LRPPRC: variants seen among roughly 807,000 people sequenced by gnomAD.
LRPPRC encodes leucine rich pentatricopeptide repeat containing, also known as leucine-rich PPR motif-containing protein, mitochondrial.
In LRPPRC, 120 loss-of-function variants were observed where a neutral mutation model predicts 180.3. The ratio of observed to expected loss-of-function variants is 0.67; its 90% CI spans 0.57 to 0.77. The LOEUF (loss-of-function observed/expected upper bound fraction) is 0.77. LRPPRC is among the 30% of genes least tolerant of loss of function. The pLI, the probability that LRPPRC is intolerant of heterozygous loss-of-function variation, is 0.00. For synonymous variants in LRPPRC, 723 were observed against 600.0 expected, an observed-to-expected ratio of 1.21 and a Z score of -3.00; for missense variants, 2,012 against 1,657.2, an observed-to-expected ratio of 1.21 and a Z score of -3.72.
Position 43,995,862 on chromosome 2 carries a change from C to G in LRPPRC, c.86G>C (p.Gly29Ala). ...RLPLSLRLLP[G>A]GPGRLHAASY... ...GGCGGCATGCAGCCGGCCCGGGCCGCCAGGGAGGAGGCGCAGGGAGAGCGG... is the reference window on the plus strand; with the variant it reads ...GGCGGCATGCAGCCGGCCCGGGCCGGCAGGGAGGAGGCGCAGGGAGAGCGG... Residue 29 changes from glycine to alanine, a missense_variant, in exon 1 of 38, where the codon GGC (glycine) becomes GCC (alanine). Coordinates refer to ENST00000260665, the MANE Select transcript of LRPPRC (RefSeq NM_133259.4). 1 of 1,490,020 alleles carries G rather than the reference C, an allele frequency of 6.7e-7. No individual in the cohort carries two copies. Among genetic ancestry groups the G allele is most frequent in the Non-Finnish European group, 8.9e-7 (1 of 1,127,718 alleles). The allele number at this position is 1,490,020 out of a possible 1,614,324, so 92.3% of individuals were successfully genotyped here. A position where few individuals can be genotyped will look rare whatever the true frequency, so the allele number is the denominator to read the frequency against.
chr2:43,888,475 C>A lies in LRPPRC; in HGVS notation c.*125G>T. 1 of 661,278 alleles carries A rather than the reference C, an allele frequency of 1.5e-6. No homozygotes were observed. Among genetic ancestry groups the A allele is most frequent in the Non-Finnish European group, 2.8e-6 (1 of 361,720 alleles). 41.0% of individuals were successfully genotyped at this position (661,278 alleles called of 1,614,324 possible). On this transcript the variant is annotated 3_prime_UTR_variant, in exon 38 of 38. Coordinates refer to ENST00000260665, the MANE Select transcript of LRPPRC (RefSeq NM_133259.4). ...GAGTTATGGTCAATAAGACTTTGAA[C>A]ATGCATCACACATACATAAGTACAT...
rs1054230111 is a variant in LRPPRC at position 43,982,403 on chromosome 2, T to C, written c.181A>G (p.Ile61Val). ...GLLSPARLYA[I>V]AAKEKDIQEE... The stretch of plus-strand genomic sequence containing the variant: ...TGAATATCTTTTTCTTTGGCAGCAA[T>C]GGCATACAGCCTGGCTGGGCTCAGT... Residue 61 changes from isoleucine to valine, a missense_variant, in exon 2 of 38, where the codon ATT (isoleucine) becomes GTT (valine). By Grantham distance (29) the Ile-to-Val change is conservative. Coordinates refer to ENST00000260665, the MANE Select transcript of LRPPRC (RefSeq NM_133259.4). The C allele has an allele frequency of 5.0e-6, 8 of 1,614,006 alleles. No homozygotes were observed. The highest frequency in any genetic ancestry group is 6.8e-6 in the Non-Finnish European group (8 of 1,179,890).
chr2:43,894,536 T>TA lies in LRPPRC; in HGVS notation c.3985+8_3985+9insT. The TA allele has an allele frequency of 7.7e-7, 1 of 1,293,386 alleles. No individual in the cohort carries two copies. Among genetic ancestry groups the TA allele is most frequent in the Admixed American group, 1.7e-5 (1 of 59,482 alleles). The allele number at this position is 1,293,386 out of a possible 1,614,324, so 80.1% of individuals were successfully genotyped here. On this transcript the variant is annotated intron_variant, in intron 36 of 37. Coordinates refer to ENST00000260665, the MANE Select transcript of LRPPRC (RefSeq NM_133259.4). The stretch of plus-strand genomic sequence containing the variant: ...AATAAATAATATAGTCAAATTAAAC[T>TA]TATATTACCATAGCTTTTCATGAGG...
chr2:43,898,063 C>A (rs1572892669), intron 34 of LRPPRC, among the ~76,000 whole-genome samples: 1 of 104,232 alleles, frequency 9.6e-6, no homozygotes, highest in African/African-American at 4.9e-5. Flanking sequence ...CTGCCTTTTC[C>A]TTAAAATTAA....
chr2:43,928,951 G>C (rs1294332000), intron 25 of LRPPRC, among the ~76,000 whole-genome samples: 3 of 152,094 alleles, frequency 2.0e-5, no homozygotes, highest in African/African-American at 7.2e-5. Context: ...ATAGCAAATA[G>C]TCGATTAACA....
chr2:43,959,595 CTTAT>C (rs1468433356), intron 13 of LRPPRC, among the ~76,000 whole-genome samples: 1 of 152,160 alleles, frequency 6.6e-6, no homozygotes, highest in Non-Finnish European at 1.5e-5. Flanking sequence ...TTAAGAACGT[CTTAT>C]TTATTAATTA....
intron 34 of LRPPRC, among the ~76,000 whole-genome samples, chr2:43,898,005 G>A (rs1572892504): frequency 7.8e-6 from 1 of 128,628 alleles, no homozygotes; most frequent in South Asian, 2.4e-4. Flanking sequence ...CACCACGTAA[G>A]ATAGCAAGAT....
Position 43,948,434 on chromosome 2 carries a change from T to G in LRPPRC, c.1820A>C (p.Tyr607Ser), listed in dbSNP as rs1411966867. Residue 607 changes from tyrosine (Y) to serine (S), a missense_variant, in exon 17 of 38, where the codon TAC becomes TCC. Physicochemically the swap from Tyr to Ser is moderately radical, Grantham distance 144. Transcript: ENST00000260665. Reference sequence around the variant, plus strand: ...TACCATCTTCTCCAGCTGATGGAAGTATTGTCTCAAATGCTCCTCCTTGGC... The same window carrying G: ...TACCATCTTCTCCAGCTGATGGAAGGATTGTCTCAAATGCTCCTCCTTGGC... Reference protein sequence around the residue: ...VQAKEEHLRQYFHQLEKMNVK... With the variant: ...VQAKEEHLRQSFHQLEKMNVK... The G allele has an allele frequency of 1.9e-6, 3 of 1,611,522 alleles. No homozygotes were observed. In the African/African-American group the frequency reaches 4.0e-5, roughly 22 times the overall value.
chr2:43,986,772 G>A (rs770463010), intron 1 of LRPPRC, among the ~76,000 whole-genome samples: 22 of 152,186 alleles, frequency 1.4e-4, no homozygotes, highest in Non-Finnish European at 2.8e-4. Flanking sequence ...TAATCTGGCT[G>A]CAATTGGGTG....
chr2:43,982,256 T>G lies in LRPPRC; in HGVS notation c.328A>C (p.Asn110His). The change falls in exon 2 of 38, where the codon AAT becomes CAT. Residue 110 changes from asparagine (N) to histidine (H), a missense_variant. Transcript: ENST00000260665. ...GAAATACCTGAGCGGCAGGTATCAT[T>G]AAAAACTTTTTGTAGAAGCTTCTTT... ...IPKKLLQKVF[N>H]DTCRSGGLGG... 6.4e-7 allele frequency: 1 copy of G among 1,572,888 alleles called. No individual in the cohort carries two copies. Among genetic ancestry groups the G allele is most frequent in the Non-Finnish European group, 8.6e-7 (1 of 1,163,734 alleles).
At chr2:43,915,232 T>TCTCTCACACACA (rs1174216406) in intron 29 of LRPPRC, among the ~76,000 whole-genome samples, 3 of 51,838 alleles carry the variant, frequency 5.8e-5, no homozygotes, top group Non-Finnish European at 1.0e-4. Flanking sequence ...TCTCTCTCTC[T>TCTCTCACACACA]CACACACACA....
At position 43,949,596 on chromosome 2, in the gene LRPPRC, C is replaced by T. The variant is rs370257691; in HGVS notation, c.1735+6G>A. 9.3e-6 allele frequency: 15 copies of T among 1,611,894 alleles called. No individual in the cohort carries two copies. Among genetic ancestry groups the T allele is most frequent in the East Asian group, 4.5e-5 (2 of 44,866 alleles). On this transcript the variant is annotated splice_donor_region_variant and intron_variant, in intron 16 of 37. Transcript: ENST00000260665. ...TAAGTTACAATCATCGAAATTGAAA[C>T]GCTACCCGTCGGTCCTCGAGGCTCC... is the stretch of plus-strand genomic sequence containing the variant.
intron 31 of LRPPRC, chr2:43,903,164 T>A (rs1161381223): frequency 6.6e-6 from 1 of 152,192 alleles, no homozygotes; most frequent in Non-Finnish European, 1.5e-5. Context: ...ACCTAAATCC[T>A]ATTCTCATAT....
chr2:43,935,722 G>GT (rs566544443), intron 23 of LRPPRC, among the ~76,000 whole-genome samples: 123 of 152,154 alleles, frequency 8.1e-4, no homozygotes, highest in African/African-American at 2.6e-3. Flanking sequence ...TTTATTAAAA[G>GT]TTTTTTTGTA....
At chr2:43,960,728 T>C in intron 12 of LRPPRC, 94 bp from the exon 13 acceptor site, 2 of 765,396 alleles carry the variant, frequency 2.6e-6, no homozygotes, top group East Asian at 2.5e-5. Flanking sequence ...TGAATCACCA[T>C]ATTCTCTGAT....
chr2:43,934,392 T>C, intron 24 of LRPPRC, 96 bp from the exon 25 acceptor site: 1 of 668,356 alleles, frequency 1.5e-6, no homozygotes, highest in East Asian at 2.7e-5. Context: ...GAAAAATTTA[T>C]TTTAAAAACA....
intron 1 of LRPPRC, among the ~76,000 whole-genome samples, chr2:43,989,663 A>T (rs1447340024): frequency 1.3e-5 from 2 of 152,222 alleles, no homozygotes; most frequent in Non-Finnish European, 2.9e-5. Context: ...CTCATTCTGC[A>T]CCCAATGATA....
chr2:43,919,404 T>A (rs1215216907), intron 27 of LRPPRC, among the ~76,000 whole-genome samples: 2 of 152,200 alleles, frequency 1.3e-5, no homozygotes, highest in Non-Finnish European at 2.9e-5. Flanking sequence ...TCTACAAACC[T>A]TTTCACTTAG....
Position 43,948,497 on chromosome 2 carries a change from T to C in LRPPRC, c.1757A>G (p.Tyr586Cys), listed in dbSNP as rs1672781101. Residue 586 changes from tyrosine (Y) to cysteine (C), a missense_variant, in exon 17 of 38, where the codon TAT becomes TGT. Coordinates refer to ENST00000260665, the MANE Select transcript of LRPPRC (RefSeq NM_133259.4). ...GTCACTCATGCTGTCAATCAAGTTA[T>C]AAAGAAAATAGCCAACAGCTTCTGT... ...GPTEAVGYFL[Y>C]NLIDSMSDSE... The C allele has an allele frequency of 6.2e-7, 1 of 1,602,550 alleles. No individual in the cohort carries two copies.
Sources: gnomAD v4.1 joint callset for allele counts (sites outside exome capture counted in the v4.1 genomes callset) on GRCh38, gnomAD v4.1.1 for gene constraint, MANE v1.5 for transcripts, NCBI Gene and HGNC (gene_info 2026-07-23, HGNC 2026-07-21) for gene names.